ZHX2: variants seen among roughly 807,000 people sequenced by gnomAD.
ZHX2 encodes zinc fingers and homeoboxes 2, also known as zinc fingers and homeoboxes protein 2.
ZHX2 carries 6 observed loss-of-function variants against 21.9 expected under a neutral mutation model. That is an observed-to-expected ratio of 0.27 (90% CI 0.15 to 0.54). The LOEUF is 0.54. Ranked by LOEUF, ZHX2 falls within the 20% of genes least tolerant of loss-of-function variation. ZHX2 has a pLI of 0.95. For synonymous variants in ZHX2, 434 were observed against 437.1 expected (o/e 0.99, Z 0.09); for missense variants, 908 against 1,090.7 (o/e 0.83, Z 2.36).
At chr8:122,971,972 C>CT (rs1813736285) in intron 3 of ZHX2, among the ~76,000 whole-genome samples, 1 of 152,190 alleles carries the variant, frequency 6.6e-6, no homozygotes, top group Non-Finnish European at 1.5e-5. Context: ...CTTCTGAAGG[C>CT]TGTGCAGGAG....
chr8:122,798,527 T>G (rs1238951014), intron 1 of ZHX2, among the ~76,000 whole-genome samples: 1 of 152,130 alleles, frequency 6.6e-6, no homozygotes, highest in African/African-American at 2.4e-5. Context: ...GCACGGTGGC[T>G]CACACTTGTA....
intron 2 of ZHX2, among the ~76,000 whole-genome samples, chr8:122,949,728 G>T (rs985362727): frequency 4.6e-5 from 7 of 151,970 alleles, no homozygotes; most frequent in African/African-American, 1.7e-4. Flanking sequence ...ATGATTAGCT[G>T]GGCATGGTGG....
At chr8:122,915,494 A>G (rs556547629) in intron 2 of ZHX2, among the ~76,000 whole-genome samples, 1 of 152,214 alleles carries the variant, frequency 6.6e-6, no homozygotes, top group Non-Finnish European at 1.5e-5. Context: ...GAAATAGTAA[A>G]TAAATAGTAA....
chr8:122,801,512 C>G (rs898824247), intron 1 of ZHX2, among the ~76,000 whole-genome samples: 5 of 150,712 alleles, frequency 3.3e-5, no homozygotes, highest in Non-Finnish European at 7.4e-5. Flanking sequence ...TTTGGGAGGC[C>G]GAGGTGGAGG....
chr8:122,884,483 T>C (rs1819790948), intron 2 of ZHX2, among the ~76,000 whole-genome samples: 1 of 152,176 alleles, frequency 6.6e-6, no homozygotes, highest in South Asian at 2.1e-4. Context: ...GAGGGAGGAA[T>C]TTGTCAGCTC....
At chr8:122,791,565 G>A (rs1238607013) in intron 1 of ZHX2, among the ~76,000 whole-genome samples, 2 of 152,184 alleles carry the variant, frequency 1.3e-5, no homozygotes, top group Non-Finnish European at 2.9e-5. Flanking sequence ...AATAATAAGT[G>A]TGAAGATGAT....
chr8:122,971,951 A>T (rs1274746949), intron 3 of ZHX2, among the ~76,000 whole-genome samples: 4 of 152,170 alleles, frequency 2.6e-5, no homozygotes, highest in African/African-American at 9.7e-5. Flanking sequence ...GGAGTCTGTG[A>T]TGGTTGCTTC....
chr8:122,848,559 G>A (rs993316540), intron 1 of ZHX2, among the ~76,000 whole-genome samples: 9 of 152,140 alleles, frequency 5.9e-5, no homozygotes, highest in South Asian at 4.1e-4. Context: ...GTGGGAAGAC[G>A]TTTGGGTCCC....
intron 3 of ZHX2, among the ~76,000 whole-genome samples, chr8:122,963,334 A>G (rs963016480): frequency 4.3e-4 from 65 of 152,246 alleles, no homozygotes; most frequent in African/African-American, 1.5e-3. Flanking sequence ...TCATTCTTCT[A>G]CATGAGGCTA....
intron 1 of ZHX2, among the ~76,000 whole-genome samples, chr8:122,826,569 G>A (rs140676689): frequency 2.2e-4 from 34 of 152,272 alleles, no homozygotes; most frequent in Admixed American, 8.5e-4. Context: ...TTGCTGAAGC[G>A]CCGGGCAGTG....
Position 122,951,436 on chromosome 8 carries a change from T to C in ZHX2, c.-75T>C, listed in dbSNP as rs1429396028. The C allele has an allele frequency of 7.4e-7, 1 of 1,352,840 alleles. No homozygotes were observed. The highest frequency in any genetic ancestry group is 1.0e-6 in the Non-Finnish European group (1 of 990,248). 83.8% of individuals were successfully genotyped at this position (1,352,840 alleles called of 1,614,324 possible). Reference sequence around the variant, plus strand: ...GGAATAAAGCCAAAAGCCTTTCACCTTATTCGTTCCAAGAATCTCACCGCC... The same window carrying C: ...GGAATAAAGCCAAAAGCCTTTCACCCTATTCGTTCCAAGAATCTCACCGCC... On this transcript the variant is annotated 5_prime_UTR_variant, in exon 3 of 4. Coordinates refer to ENST00000314393, the MANE Select transcript of ZHX2 (RefSeq NM_014943.5).
At chr8:122,924,643 G>A (rs1820810263) in intron 2 of ZHX2, among the ~76,000 whole-genome samples, 1 of 152,130 alleles carries the variant, frequency 6.6e-6, no homozygotes, top group African/African-American at 2.4e-5. Context: ...GGGTCTTCTA[G>A]AATAGAAGAT....
rs536118612 is a variant in ZHX2, at chr8:122,849,596, G to A, written c.-282-13881G>A. ...CTCCCATCTCTGCCTCTGTCTTCAC[G>A]TCACCTTCTCCTGTTCTGTGGTTTC... On this transcript the variant is annotated intron_variant, in intron 1 of 3. Transcript: ENST00000314393. Among the ~76,000 whole-genome samples, 18 of 152,114 alleles carry A rather than the reference G, an allele frequency of 1.2e-4. No individual in the cohort carries two copies. In the East Asian group the frequency reaches 1.5e-3, roughly 13 times the overall value.
chr8:122,883,318 T>C (rs908915192), intron 2 of ZHX2, among the ~76,000 whole-genome samples: 1 of 152,050 alleles, frequency 6.6e-6, no homozygotes, highest in African/African-American at 2.4e-5. Context: ...TCATAACACC[T>C]GATGGGATGG....
chr8:122,915,507 A>C (rs776415842), intron 2 of ZHX2, among the ~76,000 whole-genome samples: 8 of 152,170 alleles, frequency 5.3e-5, no homozygotes, highest in Non-Finnish European at 8.8e-5. Flanking sequence ...AATAGTAAGA[A>C]ATTTGTTAGA....
chr8:122,791,498 G>C (rs1287010418), intron 1 of ZHX2, among the ~76,000 whole-genome samples: 2 of 152,276 alleles, frequency 1.3e-5, no homozygotes, highest in East Asian at 3.9e-4. Flanking sequence ...GGCACTTCAA[G>C]GGAATTTAGA....
rs1429493151 is a variant in ZHX2 at position 122,952,822 on chromosome 8, C to T, written c.1312C>T (p.Leu438Phe). The T allele has an allele frequency of 2.5e-6, 4 of 1,614,166 alleles. No homozygotes were observed. The highest frequency in any genetic ancestry group is 2.2e-5 in the South Asian group (2 of 91,086). Residue 438 changes from leucine to phenylalanine, a missense_variant, in exon 3 of 4, where the codon CTC becomes TTC. Around this residue, in one of 4 missense-constraint regions of ZHX2, gnomAD observed 232 missense variants for 361.8 expected, o/e 0.64. Transcript: ENST00000314393. The surrounding 1 kb of genome is among the most constrained non-coding windows in gnomAD (Gnocchi z 6.9). ...CCCACCCAAGGTGGCCAACCCCCCG[C>T]TCACACCAGCCAGTGACCGCAAGAA... Reference protein sequence around the residue: ...EPPPKVANPPLTPASDRKKTK... With the variant: ...EPPPKVANPPFTPASDRKKTK...
At chr8:122,842,995 G>C (rs1818673130) in intron 1 of ZHX2, among the ~76,000 whole-genome samples, 1 of 152,230 alleles carries the variant, frequency 6.6e-6, no homozygotes, top group South Asian at 2.1e-4. Flanking sequence ...AGGTGATGCA[G>C]GCGTGACACT....
rs564069210 is a variant in ZHX2 at position 122,933,722 on chromosome 8, G to A, written c.-219-17570G>A. Among the ~76,000 whole-genome samples, 5 of 152,226 alleles carry A rather than the reference G, an allele frequency of 3.3e-5. No individual in the cohort carries two copies. The East Asian group carries it at 7.7e-4, about 23-fold the overall frequency. On this transcript the variant is annotated intron_variant, in intron 2 of 3. Coordinates refer to ENST00000314393, the MANE Select transcript of ZHX2 (RefSeq NM_014943.5). ...AGATTAAAGGTGTTACAATGTGATC[G>A]GTTTATGATTTGAAACTTAGGTAGA...
Sources: allele counts gnomAD v4.1 joint callset (sites outside exome capture counted in the v4.1 genomes callset), GRCh38; gene constraint gnomAD v4.1.1; regional missense constraint gnomAD v4.1.1; non-coding constraint Gnocchi (gnomAD v3.1); transcripts MANE v1.5; gene names NCBI Gene and HGNC (gene_info 2026-07-23, HGNC 2026-07-21).